The following DOK5 variants were observed in gnomAD, a reference collection of about 807,000 sequenced individuals.
DOK5 encodes the protein docking protein 5.
In DOK5, 27 loss-of-function variants were observed where a neutral mutation model predicts 43.3. That is an observed-to-expected ratio of 0.62 (90% CI 0.46 to 0.86). The LOEUF is 0.86. Ranked by LOEUF, DOK5 falls within the 40% of genes least tolerant of loss-of-function variation. The pLI is 0.00. For synonymous variants in DOK5, 146 were observed against 140.1 expected (o/e 1.04, Z -0.30); for missense variants, 373 against 392.9 (o/e 0.95, Z 0.43).
chr20:54,642,722 G>GA (rs915787674), intron 6 of DOK5, among the ~76,000 whole-genome samples: 7 of 151,396 alleles, frequency 4.6e-5, no homozygotes, highest in South Asian at 4.2e-4. Flanking sequence ...GACTCCATCT[G>GA]AAAAAAAACA....
intron 2 of DOK5, among the ~76,000 whole-genome samples, chr20:54,572,326 A>G (rs922379534): frequency 5.3e-5 from 8 of 151,996 alleles, no homozygotes; most frequent in African/African-American, 1.4e-4. Context: ...ACGCCCGGCT[A>G]ATTTTTTGTA....
At chr20:54,516,127 C>T (rs1000440114) in intron 1 of DOK5, among the ~76,000 whole-genome samples, 26 of 152,152 alleles carry the variant, frequency 1.7e-4, no homozygotes, top group African/African-American at 4.3e-4. Context: ...ATTCTCATTT[C>T]CCCGTATATA....
chr20:54,617,355 G>C (rs1986847126), intron 6 of DOK5, among the ~76,000 whole-genome samples: 1 of 151,706 alleles, frequency 6.6e-6, no homozygotes, highest in African/African-American at 2.4e-5. Context: ...TTTGGAGACA[G>C]AGTCTTGCTC....
chr20:54,573,383 G>A (rs1410884479), intron 2 of DOK5, among the ~76,000 whole-genome samples: 1 of 152,028 alleles, frequency 6.6e-6, no homozygotes, highest in Non-Finnish European at 1.5e-5. Flanking sequence ...AAATAAAGCT[G>A]GGCTTTTAAG....
At chr20:54,638,262 A>G (rs1978935431) in intron 6 of DOK5, among the ~76,000 whole-genome samples, 1 of 152,206 alleles carries the variant, frequency 6.6e-6, no homozygotes, top group Admixed American at 6.5e-5. Flanking sequence ...AGGGAGGAGA[A>G]GAGACATCAG....
At chr20:54,635,922 A>G (rs1978803647) in intron 6 of DOK5, among the ~76,000 whole-genome samples, 1 of 152,222 alleles carries the variant, frequency 6.6e-6, no homozygotes, top group African/African-American at 2.4e-5. Flanking sequence ...GGTAATTTAT[A>G]ATGAACAGAA....
At chr20:54,568,876 G>C (rs2146745193) in intron 2 of DOK5, among the ~76,000 whole-genome samples, 1 of 151,562 alleles carries the variant, frequency 6.6e-6, no homozygotes, top group East Asian at 2.0e-4. Flanking sequence ...AGCTTACAGT[G>C]AGCCGAGTTC....
chr20:54,615,191 T>C (rs568894244), intron 6 of DOK5, among the ~76,000 whole-genome samples: 1 of 152,166 alleles, frequency 6.6e-6, no homozygotes, highest in Non-Finnish European at 1.5e-5. Context: ...CTGGAGTGAA[T>C]TGATTTCAGT....
chr20:54,503,196 T>C (rs1396714743), intron 1 of DOK5, among the ~76,000 whole-genome samples: 1 of 152,298 alleles, frequency 6.6e-6, no homozygotes, highest in Admixed American at 6.5e-5. Context: ...GAAATAATTT[T>C]GAATTTTGAT....
At position 54,553,562 on chromosome 20, in the gene DOK5, G is replaced by A. The variant is rs549584435; in HGVS notation, c.67-1371G>A. Among the ~76,000 whole-genome samples, 902 of 151,050 alleles carry A rather than the reference G, an allele frequency of 6.0e-3. 5 individuals are homozygous for A. Among genetic ancestry groups the A allele is most frequent in the African/African-American group, 0.02 (825 of 41,272 alleles). On this transcript the variant is annotated intron_variant, in intron 1 of 7. Transcript: ENST00000262593. ...TAAAGATGACCAGTCGAGTATAATA[G>A]TGCCACTCAGACATTTGCCATCAGT...
chr20:54,588,875 C>G, intron 4 of DOK5, 69 bp downstream of exon 4: 1 of 1,533,414 alleles, frequency 6.5e-7, no homozygotes, highest in Non-Finnish European at 8.9e-7. Flanking sequence ...AAACATAAGA[C>G]ATCTTCATTA....
At chr20:54,569,561 A>G (rs545439836) in intron 2 of DOK5, among the ~76,000 whole-genome samples, 20 of 152,322 alleles carry the variant, frequency 1.3e-4, no homozygotes, top group Non-Finnish European at 2.1e-4. Context: ...CTTAGAAGTG[A>G]GGTATCAGGT....
intron 2 of DOK5, among the ~76,000 whole-genome samples, chr20:54,570,624 G>C (rs1434187032): frequency 6.6e-6 from 1 of 151,966 alleles, no homozygotes; most frequent in Non-Finnish European, 1.5e-5. Flanking sequence ...AAAAGAAAGG[G>C]AAAAATTGGA....
intron 5 of DOK5, among the ~76,000 whole-genome samples, chr20:54,604,239 C>G (rs1033194150): frequency 5.9e-5 from 9 of 151,998 alleles, no homozygotes; most frequent in Non-Finnish European, 1.0e-4. Context: ...AGCCACCGCG[C>G]CCCGGCCTCA....
intron 2 of DOK5, among the ~76,000 whole-genome samples, chr20:54,586,357 C>T (rs566409830): frequency 2.6e-4 from 39 of 152,142 alleles, no homozygotes; most frequent in South Asian, 1.5e-3. Flanking sequence ...GGAAGTGGAC[C>T]TTGGGGGAAA....
chr20:54,638,693 G>T (rs1978958512), intron 6 of DOK5, among the ~76,000 whole-genome samples: 1 of 151,888 alleles, frequency 6.6e-6, no homozygotes, highest in African/African-American at 2.4e-5. Flanking sequence ...ACGGGGTCAG[G>T]AGTATGGGTC....
intron 1 of DOK5, among the ~76,000 whole-genome samples, chr20:54,481,150 C>A (rs548758134): frequency 2.0e-5 from 3 of 151,256 alleles, no homozygotes; most frequent in East Asian, 3.9e-4. Flanking sequence ...ATCTATCTAT[C>A]TATCTATCTA....
In DOK5 at chr20:54,628,408, CAAAAAAAAAAAAAAAAAAAAAAA is replaced by C. The variant is rs56730310; in HGVS notation, c.736-15035_736-15013del. ...TGGGCGACAGAGCGAGACTCCGTCT[CAAAAAAAAAAAAAAAAAAAAAAA>C]AAAAAAAAAAAAAAGAATTCATTCT... On this transcript the variant is annotated intron_variant, in intron 6 of 7. Transcript: ENST00000262593. Among the ~76,000 whole-genome samples the C allele has an allele frequency of 1.6e-3, 37 of 23,450 alleles. 1 individual carries two copies. In the East Asian group the frequency reaches 0.087, roughly 55 times the overall value. 15.4% of individuals were successfully genotyped at this position (23,450 alleles called of 152,430 possible). A position where few individuals can be genotyped will look rare whatever the true frequency, so the allele number is the denominator to read the frequency against.
chr20:54,643,892 A>T (rs1568826706), intron 7 of DOK5, among the ~76,000 whole-genome samples: 1 of 152,158 alleles, frequency 6.6e-6, no homozygotes, highest in Non-Finnish European at 1.5e-5. Flanking sequence ...CTTTTAACAG[A>T]CCGTACACAG....
Sources: gnomAD v4.1 joint callset for allele counts (sites outside exome capture counted in the v4.1 genomes callset) on GRCh38, gnomAD v4.1.1 for gene constraint, MANE v1.5 for transcripts, NCBI Gene and HGNC (gene_info 2026-07-23, HGNC 2026-07-21) for gene names.